MRPS27: variants seen among roughly 807,000 people sequenced by gnomAD.
MRPS27 encodes small ribosomal subunit protein mS27.
Under a neutral mutation model 48.9 loss-of-function variants are expected in MRPS27, and 43 were observed. The observed-to-expected ratio is 0.88, with a 90% confidence interval of 0.69 to 1.13. The LOEUF (loss-of-function observed/expected upper bound fraction) is 1.13. MRPS27 is among the 50% of genes most tolerant of loss of function. The pLI is 0.00. For missense variants in MRPS27, 467 were observed against 476.3 expected (o/e 0.98, Z 0.18); for synonymous variants, 188 against 171.9 (o/e 1.09, Z -0.73).
chr5:72,267,477 G>T lies in MRPS27; in HGVS notation c.281+28054C>A, dbSNP rs375506137. On this transcript the variant is annotated intron_variant, in intron 4 of 10. Transcript: ENST00000261413. ...ACCACCTAAAAATTTATCCTTATTT[G>T]CTCATTAAATAAGTTCAAACAATGT... 1.4e-4 allele frequency among the ~76,000 whole-genome samples: 21 copies of T among 152,048 alleles called. No homozygotes were observed. In the South Asian group the frequency reaches 4.4e-3, roughly 32 times the overall value.
chr5:72,239,571 G>A (rs1364654916), intron 4 of MRPS27, among the ~76,000 whole-genome samples: 1 of 152,166 alleles, frequency 6.6e-6, no homozygotes, highest in African/African-American at 2.4e-5. Context: ...CCAGAGAAAG[G>A]CATGGTATAG....
intron 4 of MRPS27, among the ~76,000 whole-genome samples, chr5:72,273,070 A>G (rs376064097): frequency 1.2e-3 from 180 of 152,322 alleles, no homozygotes; most frequent in African/African-American, 4.1e-3. Flanking sequence ...AGGATCTTAT[A>G]AGATTATCCA....
In MRPS27 at chr5:72,234,170, A is replaced by C. The variant is rs1340130529; in HGVS notation, c.424T>G (p.Phe142Val). 6.6e-7 allele frequency: 1 copy of C among 1,510,732 alleles called. No homozygotes were observed. Among genetic ancestry groups the C allele is most frequent in the African/African-American group, 1.4e-5 (1 of 69,478 alleles). The allele number at this position is 1,510,732 out of a possible 1,614,324, so 93.6% of individuals were successfully genotyped here. A position where few individuals can be genotyped will look rare whatever the true frequency, so the allele number is the denominator to read the frequency against. Reference protein sequence around the residue: ...KVQYGIFPDNFTFNLLMDSFI... With the variant: ...KVQYGIFPDNVTFNLLMDSFI... ...GAATCCATCAGTAAATTGAATGTAAAGTTATCTGGAAAAATTCCATATTGA... is the reference window on the plus strand; with the variant it reads ...GAATCCATCAGTAAATTGAATGTAACGTTATCTGGAAAAATTCCATATTGA... The change falls in exon 6 of 11, where the codon TTT becomes GTT. Residue 142 changes from phenylalanine to valine, a missense_variant. By Grantham distance (50) the Phe-to-Val change is conservative. Transcript: ENST00000261413.
intron 1 of MRPS27, 141 bp downstream of exon 1, chr5:72,320,008 C>T (rs1193849029): frequency 1.0e-5 from 8 of 788,388 alleles, no homozygotes; most frequent in African/African-American, 6.9e-5. Context: ...ACCTTGTCTC[C>T]TTCTTCTGCA....
In MRPS27 at chr5:72,232,508, G is replaced by C; in HGVS notation, c.526C>G (p.Pro176Ala). The change falls in exon 7 of 11, where the codon CCT becomes GCT. Residue 176 changes from proline (P) to alanine (A), a missense_variant. Coordinates refer to ENST00000261413, the MANE Select transcript of MRPS27 (RefSeq NM_015084.3). ...TAGAGGGAGAGAAGTTGGGTGGAAG[G>C]CACTTCAAAGGCTTCTTGCATCATG... Reference protein sequence around the residue: ...EVMMQEAFEVPSTQLLSLYVL... With the variant: ...EVMMQEAFEVASTQLLSLYVL... The C allele has an allele frequency of 6.2e-7, 1 of 1,612,768 alleles. No homozygotes were observed. Among genetic ancestry groups the C allele is most frequent in the South Asian group, 1.1e-5 (1 of 91,024 alleles).
intron 4 of MRPS27, chr5:72,288,889 TTCCCTCTTAATAA>T (rs1467805492): frequency 2.0e-5 from 3 of 152,248 alleles, no homozygotes; most frequent in African/African-American, 7.2e-5. Flanking sequence ...ATGCATGCTG[TTCCCTCTTAATAA>T]TCCCTCTTAA....
At chr5:72,243,327 A>T (rs1748413369) in intron 4 of MRPS27, among the ~76,000 whole-genome samples, 1 of 152,066 alleles carries the variant, frequency 6.6e-6, no homozygotes, top group African/African-American at 2.4e-5. Context: ...ACTGCTACTC[A>T]CTTTCTCATT....
chr5:72,306,651 T>TA (rs1195337479), intron 2 of MRPS27, among the ~76,000 whole-genome samples: 5 of 152,156 alleles, frequency 3.3e-5, no homozygotes, highest in Admixed American at 1.3e-4. Flanking sequence ...CAAACTAAAT[T>TA]AAAAAGAAAT....
intron 4 of MRPS27, among the ~76,000 whole-genome samples, chr5:72,276,021 G>GGAGAAAAA (rs1749365818): frequency 6.8e-6 from 1 of 147,896 alleles, no homozygotes; most frequent in Non-Finnish European, 1.5e-5. Context: ...GGAGAAAAAT[G>GGAGAAAAA]TGTGTGTGTG....
At chr5:72,304,901 A>G (rs1013354617) in intron 2 of MRPS27, among the ~76,000 whole-genome samples, 1 of 152,208 alleles carries the variant, frequency 6.6e-6, no homozygotes, top group Non-Finnish European at 1.5e-5. Context: ...TGCATACCTT[A>G]CCTAATTTAT....
intron 4 of MRPS27, among the ~76,000 whole-genome samples, chr5:72,260,334 A>C (rs1246482521): frequency 6.6e-6 from 1 of 152,208 alleles, no homozygotes; most frequent in Admixed American, 6.5e-5. Context: ...ATTTATTCTG[A>C]TGAAGGGACA....
At chr5:72,244,509 A>T (rs2111972271) in intron 4 of MRPS27, among the ~76,000 whole-genome samples, 1 of 152,304 alleles carries the variant, frequency 6.6e-6, no homozygotes, top group African/African-American at 2.4e-5. Context: ...ATGTCACCAC[A>T]TTATTCTCTC....
intron 8 of MRPS27, among the ~76,000 whole-genome samples, chr5:72,226,700 A>G (rs369744026): frequency 1.6e-5 from 1 of 62,478 alleles, no homozygotes; most frequent in African/African-American, 5.2e-5. Flanking sequence ...AATCCTTATG[A>G]AAAAAAAAAA....
At chr5:72,242,204 C>T (rs1033149953) in intron 4 of MRPS27, among the ~76,000 whole-genome samples, 5 of 151,994 alleles carry the variant, frequency 3.3e-5, no homozygotes, top group Non-Finnish European at 5.9e-5. Context: ...CAAACCACGG[C>T]CAATAAAATA....
At chr5:72,292,060 A>C (rs1170729724) in intron 4 of MRPS27, among the ~76,000 whole-genome samples, 1 of 152,068 alleles carries the variant, frequency 6.6e-6, no homozygotes, top group Non-Finnish European at 1.5e-5. Context: ...ATTTTTTATT[A>C]TCTTATTTAA....
intron 4 of MRPS27, among the ~76,000 whole-genome samples, chr5:72,251,881 C>A (rs1295447685): frequency 6.6e-6 from 1 of 152,190 alleles, no homozygotes; most frequent in Non-Finnish European, 1.5e-5. Flanking sequence ...CTAAGAACCC[C>A]CTTTTCCATC....
At chr5:72,315,689 A>G (rs1750548472) in intron 1 of MRPS27, among the ~76,000 whole-genome samples, 1 of 152,228 alleles carries the variant, frequency 6.6e-6, no homozygotes, top group East Asian at 1.9e-4. Context: ...GAAACGAATG[A>G]TACTCACTAC....
At position 72,228,289 on chromosome 5, in the gene MRPS27, T is replaced by C; in HGVS notation, c.671A>G (p.Gln224Arg). 1 of 1,613,484 alleles carries C rather than the reference T, an allele frequency of 6.2e-7. No individual in the cohort carries two copies. Among genetic ancestry groups the C allele is most frequent in the Non-Finnish European group, 8.5e-7 (1 of 1,179,526 alleles). ...KQKNSVGFSSQLYGYALLGKV... is the reference protein window; with the variant it reads ...KQKNSVGFSSRLYGYALLGKV... ...ACCAAGAAGTGCATAGCCATACAAC[T>C]GGGAACTGAAACCCACTGAGTTCTT... The change falls in exon 8 of 11, where the codon CAG (glutamine) becomes CGG (arginine). Residue 224 changes from glutamine (Q) to arginine (R), a missense_variant. By Grantham distance (43) the Gln-to-Arg change is conservative (BLOSUM62 1). Coordinates refer to ENST00000261413, the MANE Select transcript of MRPS27 (RefSeq NM_015084.3).
chr5:72,265,524 T>C (rs1197411812), intron 4 of MRPS27, among the ~76,000 whole-genome samples: 1 of 152,218 alleles, frequency 6.6e-6, no homozygotes, highest in African/African-American at 2.4e-5. Flanking sequence ...GCTGGAAAAG[T>C]AGGCTGGAAT....
Sources: allele counts gnomAD v4.1 joint callset (sites outside exome capture counted in the v4.1 genomes callset), GRCh38; gene constraint gnomAD v4.1.1; transcripts MANE v1.5; gene names NCBI Gene and HGNC (gene_info 2026-07-23, HGNC 2026-07-21).